The following SNX29 variants were observed in gnomAD, a reference collection of about 807,000 sequenced individuals.
SNX29 encodes sorting nexin-29.
In SNX29, 78 loss-of-function variants were observed where a neutral mutation model predicts 102.1. That is an observed-to-expected ratio of 0.76 (90% CI 0.64 to 0.92). SNX29 has a LOEUF of 0.92. Ranked by LOEUF, SNX29 falls within the 40% of genes least tolerant of loss-of-function variation. The probability of loss-of-function intolerance (pLI) is 0.00; values close to 1 mark genes in which losing one functional copy is unlikely to be tolerated. For missense variants in SNX29, 1,280 were observed against 1,061.7 expected (o/e 1.21, Z -2.86); for synonymous variants, 580 against 414.5 (o/e 1.40, Z -4.85).
chr16:12,567,679 T>G (rs2079068774), intron 20 of SNX29, among the ~76,000 whole-genome samples: 1 of 152,174 alleles, frequency 6.6e-6, no homozygotes, highest in South Asian at 2.1e-4. Flanking sequence ...AGAGGATCAC[T>G]TGAGCCCAGG....
chr16:12,505,763 CAAAAAA>C (rs61113263), intron 19 of SNX29, among the ~76,000 whole-genome samples: 17 of 75,862 alleles, frequency 2.2e-4, no homozygotes, highest in Middle Eastern at 0.013. Context: ...GTCAATTCTG[CAAAAAA>C]AAAAAAAAAA....
rs899644172 is a variant in SNX29 at position 12,573,226 on chromosome 16, C to A, written c.*4597C>A. 2 of 226,698 alleles carry A rather than the reference C, an allele frequency of 8.8e-6. No individual in the cohort carries two copies. Among genetic ancestry groups the A allele is most frequent in the African/African-American group, 4.4e-5 (2 of 44,974 alleles). 14.0% of individuals were successfully genotyped at this position (226,698 alleles called of 1,614,324 possible). A position where few individuals can be genotyped will look rare whatever the true frequency, so the allele number is the denominator to read the frequency against. On this transcript the variant is annotated 3_prime_UTR_variant, in exon 21 of 21. Transcript: ENST00000566228. ...AGGCAGACCGGATCCCGCAGTTCAT[C>A]CCATGGTTGTTGAAATGTACCTCGA...
chr16:12,052,082 C>A lies in SNX29; in HGVS notation c.984C>A (p.Ser328=), dbSNP rs1347457496. 1 of 1,613,792 alleles carries A rather than the reference C, an allele frequency of 6.2e-7. No individual in the cohort carries two copies. The highest frequency in any genetic ancestry group is 1.3e-5 in the African/African-American group (1 of 74,860). Residue 328 remains serine, a synonymous_variant, in exon 8 of 21, where the codon TCC becomes TCA. Transcript: ENST00000566228. The stretch of plus-strand genomic sequence containing the variant: ...GCAGCAACTCATGGAAAATTGATTC[C>A]CTGTCTTTGAACGGGGAGTTTGGGT... ...SQSSNSWKID[S]LSLNGEFGYQ...
chr16:12,405,143 G>C (rs1203938434), intron 18 of SNX29, among the ~76,000 whole-genome samples: 1 of 152,198 alleles, frequency 6.6e-6, no homozygotes, highest in African/African-American at 2.4e-5. Flanking sequence ...TCATCAGAGA[G>C]CTGGAAGGTG....
At chr16:12,127,130 G>A (rs181362029) in intron 12 of SNX29, among the ~76,000 whole-genome samples, 15 of 151,728 alleles carry the variant, frequency 9.9e-5, no homozygotes, top group African/African-American at 3.6e-4. Context: ...GTGGTGCTGC[G>A]TGCCTGTAAT....
intron 13 of SNX29, among the ~76,000 whole-genome samples, chr16:12,150,513 T>G (rs2055252820): frequency 6.6e-6 from 1 of 152,250 alleles, no homozygotes. Context: ...TTGTGCCGCC[T>G]TTGTTAACCT....
rs2050333754 is a variant in SNX29, at chr16:12,052,172, T to C, written c.1074T>C (p.Tyr358=). The part of the protein sequence containing the change: ...EDVDENEDDV[Y]GNSSGRKHRG... ...TGGATGAAAACGAAGATGACGTGTA[T>C]GGAAACTCATCAGGAAGGAAGCACA... is the stretch of plus-strand genomic sequence containing the variant. The change falls in exon 8 of 21, where the codon TAT becomes TAC. Residue 358 remains tyrosine, a synonymous_variant. Coordinates refer to ENST00000566228, the MANE Select transcript of SNX29 (RefSeq NM_032167.5). 1.9e-6 allele frequency: 3 copies of C among 1,613,898 alleles called. No homozygotes were observed. Among genetic ancestry groups the C allele is most frequent in the Non-Finnish European group, 2.5e-6 (3 of 1,179,862 alleles).
rs2079206680 is a variant in SNX29, at chr16:12,572,432, G to GC, written c.*3805dup. The GC allele has an allele frequency of 9.4e-7, 1 of 1,063,372 alleles. No homozygotes were observed. The allele number at this position is 1,063,372 out of a possible 1,614,324, so 65.9% of individuals were successfully genotyped here. ...TCTGTGGCCCAGGCCGGCAGTGGCT[G>GC]CCTCTCTTGGTTCTGCATGGTACAT... On this transcript the variant is annotated 3_prime_UTR_variant, in exon 21 of 21. Transcript: ENST00000566228.
In SNX29 at chr16:12,275,902, T is replaced by TG. The variant is rs1555502604; in HGVS notation, c.1679-2025dup. 0.011 allele frequency among the ~76,000 whole-genome samples: 821 copies of TG among 78,086 alleles called. 24 individuals carry two copies. In the East Asian group the frequency reaches 0.15, roughly 14 times the overall value. The allele number at this position is 78,086 out of a possible 152,430, so 51.2% of individuals were successfully genotyped here. A position where few individuals can be genotyped will look rare whatever the true frequency, so the allele number is the denominator to read the frequency against. On this transcript the variant is annotated intron_variant, in intron 14 of 20. Coordinates refer to ENST00000566228, the MANE Select transcript of SNX29 (RefSeq NM_032167.5). ...AATTGTTTTTTTTTTTTTTTTTTTTTGGGGGGCGTGGTCAGAGTCTTGCTC... is the reference window on the plus strand; with the variant it reads ...AATTGTTTTTTTTTTTTTTTTTTTTTGGGGGGGCGTGGTCAGAGTCTTGCTC...
chr16:12,277,408 AAAAC>A (rs1596729578), intron 14 of SNX29, among the ~76,000 whole-genome samples: 1 of 152,064 alleles, frequency 6.6e-6, no homozygotes, highest in Non-Finnish European at 1.5e-5. Context: ...CCATCTCAAA[AAAAC>A]AAACAAAACC....
chr16:11,986,912 G>T (rs1207546112), intron 1 of SNX29, among the ~76,000 whole-genome samples: 2 of 152,122 alleles, frequency 1.3e-5, no homozygotes, highest in East Asian at 1.9e-4. Flanking sequence ...TGGCTCGGGG[G>T]CTATAGTTGA....
intron 16 of SNX29, among the ~76,000 whole-genome samples, chr16:12,389,550 C>T (rs1333180128): frequency 6.6e-6 from 1 of 152,112 alleles, no homozygotes; most frequent in African/African-American, 2.4e-5. Context: ...ACTGTGAGTC[C>T]ATTAAACCTC....
rs537989117 is a variant in SNX29, at chr16:12,573,859, T to G, written c.*5230T>G. 1.4e-5 allele frequency: 3 copies of G among 211,168 alleles called. No individual in the cohort carries two copies. In the South Asian group the frequency reaches 5.6e-4, roughly 40 times the overall value. The allele number at this position is 211,168 out of a possible 1,614,324, so 13.1% of individuals were successfully genotyped here. A position where few individuals can be genotyped will look rare whatever the true frequency, so the allele number is the denominator to read the frequency against. On this transcript the variant is annotated 3_prime_UTR_variant, in exon 21 of 21. Coordinates refer to ENST00000566228, the MANE Select transcript of SNX29 (RefSeq NM_032167.5). The stretch of plus-strand genomic sequence containing the variant: ...CCAGGACTCATCCTAAGAAGAATGT[T>G]GGCCTCTCTTCATCCCTGGCTTAGC...
intron 13 of SNX29, among the ~76,000 whole-genome samples, chr16:12,171,587 C>G (rs1193716272): frequency 6.6e-6 from 1 of 152,226 alleles, no homozygotes; most frequent in Non-Finnish European, 1.5e-5. Flanking sequence ...GAGGCTGGTT[C>G]AGGGCTTAGC....
At chr16:12,017,939 C>G (rs1323814430) in intron 3 of SNX29, among the ~76,000 whole-genome samples, 1 of 151,976 alleles carries the variant, frequency 6.6e-6, no homozygotes, top group African/African-American at 2.4e-5. Context: ...CGAAGTCTCT[C>G]TCGTCACCCA....
intron 13 of SNX29, among the ~76,000 whole-genome samples, chr16:12,132,168 G>A (rs1205429084): frequency 6.6e-6 from 1 of 150,574 alleles, no homozygotes; most frequent in Non-Finnish European, 1.5e-5. Context: ...GCATGATCTC[G>A]GCTCACTGCA....
chr16:12,087,484 C>T, intron 11 of SNX29: 1 of 235,338 alleles, frequency 4.2e-6, no homozygotes, highest in East Asian at 1.0e-4. Flanking sequence ...GTGGACTCAG[C>T]TTCTTGGGAG....
At chr16:12,142,414 G>A (rs986847786) in intron 13 of SNX29, among the ~76,000 whole-genome samples, 3 of 151,882 alleles carry the variant, frequency 2.0e-5, no homozygotes, top group Admixed American at 1.3e-4. Flanking sequence ...AGCGTTGAGT[G>A]CATGGGGTGG....
rs533564041 is a variant in SNX29, at chr16:11,984,496, A to G, written c.7+7683A>G. On this transcript the variant is annotated intron_variant, in intron 1 of 20. Coordinates refer to ENST00000566228, the MANE Select transcript of SNX29 (RefSeq NM_032167.5). Reference sequence around the variant, plus strand: ...GGACAAAACTTTACCACATTGCTCCATGGGCTCACTATTGATCACTTTTAT... The same window carrying G: ...GGACAAAACTTTACCACATTGCTCCGTGGGCTCACTATTGATCACTTTTAT... Among the ~76,000 whole-genome samples the G allele has an allele frequency of 1.2e-4, 18 of 152,254 alleles. No individual in the cohort carries two copies. In the South Asian group the frequency reaches 3.5e-3, roughly 30 times the overall value.
Sources: gnomAD v4.1 joint callset for allele counts (sites outside exome capture counted in the v4.1 genomes callset) on GRCh38, gnomAD v4.1.1 for gene constraint, MANE v1.5 for transcripts, NCBI Gene and HGNC (gene_info 2026-07-23, HGNC 2026-07-21) for gene names.